RASGEF1A: variants seen among roughly 807,000 people sequenced by gnomAD.
RASGEF1A encodes ras-GEF domain-containing family member 1A.
RASGEF1A carries 18 observed loss-of-function variants against 56.4 expected under a neutral mutation model. That is an observed-to-expected ratio of 0.32 (90% CI 0.22 to 0.47). The LOEUF (loss-of-function observed/expected upper bound fraction) is 0.47. Ranked by LOEUF, RASGEF1A falls within the 20% of genes least tolerant of loss-of-function variation. The pLI is 1.00. For synonymous variants in RASGEF1A, 245 were observed against 242.6 expected (o/e 1.01, Z -0.09); for missense variants, 422 against 627.1 (o/e 0.67, Z 3.49).
At chr10:43,232,113 G>A (rs555081816) in intron 1 of RASGEF1A, among the ~76,000 whole-genome samples, 4 of 152,344 alleles carry the variant, frequency 2.6e-5, no homozygotes, top group Admixed American at 6.5e-5. Context: ...CTGGACTCCC[G>A]CTGATATGAT....
chr10:43,208,995 CCCCA>C (rs1840032248), intron 1 of RASGEF1A: 8 of 985,518 alleles, frequency 8.1e-6, no homozygotes, highest in Non-Finnish European at 8.4e-6. Context: ...TGCCGGCCAC[CCCCA>C]CCCAGCCCTG....
chr10:43,238,218 C>G (rs114080615), intron 1 of RASGEF1A, among the ~76,000 whole-genome samples: 1 of 151,822 alleles, frequency 6.6e-6, no homozygotes, highest in Non-Finnish European at 1.5e-5. Context: ...GGGGAGTTAG[C>G]CGTGGCTAGT....
intron 1 of RASGEF1A, among the ~76,000 whole-genome samples, chr10:43,227,915 G>C (rs1437034309): frequency 1.3e-5 from 2 of 152,118 alleles, no homozygotes; most frequent in African/African-American, 2.4e-5. Flanking sequence ...CCCAGAATCA[G>C]TCCTTCCCTC....
In RASGEF1A at chr10:43,203,336, C is replaced by T. The variant is rs1445247018; in HGVS notation, c.283G>A (p.Val95Met). 9 of 1,577,792 alleles carry T rather than the reference C, an allele frequency of 5.7e-6. No individual in the cohort carries two copies. Among genetic ancestry groups the T allele is most frequent in the South Asian group, 1.2e-5 (1 of 86,510 alleles). The change falls in exon 3 of 13, where the codon GTG becomes ATG. Residue 95 changes from valine (V) to methionine (M), a missense_variant. Physicochemically the swap from Val to Met is conservative, Grantham distance 21. Coordinates refer to ENST00000395810, the MANE Select transcript of RASGEF1A (RefSeq NM_145313.4). Reference sequence around the variant, plus strand: ...GCTTCCAGCTGCTGCTTCTGCTCCACGCAGATCTGCCCCACGCGGGCCAGC... The same window carrying T: ...GCTTCCAGCTGCTGCTTCTGCTCCATGCAGATCTGCCCCACGCGGGCCAGC... ...DLLARVGQIC[V>M]EQKQQLEAGP...
chr10:43,245,740 A>G (rs1468139080), intron 1 of RASGEF1A, among the ~76,000 whole-genome samples: 2 of 152,206 alleles, frequency 1.3e-5, no homozygotes, highest in Non-Finnish European at 1.5e-5. Flanking sequence ...ATGCTCAACA[A>G]ACAAGCAACT....
intron 1 of RASGEF1A, among the ~76,000 whole-genome samples, chr10:43,261,004 G>C (rs908118485): frequency 3.9e-5 from 6 of 152,190 alleles, no homozygotes; most frequent in African/African-American, 1.2e-4. Context: ...AGCCAGCACT[G>C]ACTGCTCAGC....
At chr10:43,238,113 C>T (rs1398394349) in intron 1 of RASGEF1A, among the ~76,000 whole-genome samples, 2 of 150,960 alleles carry the variant, frequency 1.3e-5, no homozygotes, top group African/African-American at 4.9e-5. Flanking sequence ...AGGGGGGGTG[C>T]TGCAGATTGA....
intron 1 of RASGEF1A, chr10:43,208,728 G>A (rs767201530): frequency 9.5e-5 from 94 of 985,446 alleles, no homozygotes; most frequent in Non-Finnish European, 1.1e-4. Context: ...CTGCAGGTCT[G>A]GGGGATGCCC....
chr10:43,246,484 C>A (rs1840568179), intron 1 of RASGEF1A, among the ~76,000 whole-genome samples: 1 of 152,108 alleles, frequency 6.6e-6, no homozygotes, highest in Non-Finnish European at 1.5e-5. Flanking sequence ...AAAAGAAGTA[C>A]AAAGTTGGAG....
In RASGEF1A at chr10:43,197,890, G is replaced by C. The variant is rs1028212770; in HGVS notation, c.1224+114C>G. 471 of 894,210 alleles carry C rather than the reference G, an allele frequency of 5.3e-4. 4 individuals are homozygous for C. The highest frequency in any genetic ancestry group is 1.2e-4 in the Non-Finnish European group (72 of 579,136). 55.4% of individuals were successfully genotyped at this position (894,210 alleles called of 1,614,324 possible). Reference sequence around the variant, plus strand: ...GGCTTTCAGTCTTGAAGGCCCTTGTGAACCTCAGGCAGGGCTCAGGAAACC... The same window carrying C: ...GGCTTTCAGTCTTGAAGGCCCTTGTCAACCTCAGGCAGGGCTCAGGAAACC... On this transcript the variant is annotated intron_variant, in intron 10 of 12. Coordinates refer to ENST00000395810, the MANE Select transcript of RASGEF1A (RefSeq NM_145313.4).
At chr10:43,226,111 C>T (rs938273490) in intron 1 of RASGEF1A, among the ~76,000 whole-genome samples, 17 of 152,182 alleles carry the variant, frequency 1.1e-4, no homozygotes, top group East Asian at 3.9e-4. Flanking sequence ...TGCCAGGGGC[C>T]GCAGGGCCAG....
chr10:43,260,107 T>C (rs1836498790), intron 1 of RASGEF1A, among the ~76,000 whole-genome samples: 1 of 152,116 alleles, frequency 6.6e-6, no homozygotes, highest in Non-Finnish European at 1.5e-5. Flanking sequence ...GCACATTAAG[T>C]CACATGTCAG....
rs375828754 is a variant in RASGEF1A, at chr10:43,196,303, G to A, written c.1422-35C>T. ...GACAGGACAAGCAGTGCTCAGGCCC[G>A]AGCAGGGCGGCTTGGGTCCAAGCCA... On this transcript the variant is annotated intron_variant, in intron 12 of 12. Coordinates refer to ENST00000395810, the MANE Select transcript of RASGEF1A (RefSeq NM_145313.4). The surrounding 1 kb of genome is among the most constrained non-coding windows in gnomAD (Gnocchi z 4.6). 1.9e-4 allele frequency: 305 copies of A among 1,611,684 alleles called. No individual in the cohort carries two copies. Among genetic ancestry groups the A allele is most frequent in the Middle Eastern group, 6.6e-4 (4 of 6,044 alleles).
At chr10:43,261,181 T>C (rs1836521832) in intron 1 of RASGEF1A, among the ~76,000 whole-genome samples, 1 of 152,142 alleles carries the variant, frequency 6.6e-6, no homozygotes, top group Non-Finnish European at 1.5e-5. Context: ...CCCCTGGCCA[T>C]ACTTGCCAGC....
At position 43,201,958 on chromosome 10, in the gene RASGEF1A, G is replaced by C. The variant is rs767716250; in HGVS notation, c.322-13C>G. 4 of 1,598,982 alleles carry C rather than the reference G, an allele frequency of 2.5e-6. No homozygotes were observed. In the South Asian group the frequency reaches 4.5e-5, roughly 18 times the overall value. On this transcript the variant is annotated splice_polypyrimidine_tract_variant and intron_variant, in intron 3 of 12. Coordinates refer to ENST00000395810, the MANE Select transcript of RASGEF1A (RefSeq NM_145313.4). ...ACTTCAGCTTGGCCTGGGGCAGCAG[G>C]GGATACAGAGTAAGGCCCCACAGGG...
intron 1 of RASGEF1A, among the ~76,000 whole-genome samples, chr10:43,242,507 CCTCTCCCTCT>C: frequency 6.6e-6 from 1 of 152,182 alleles, no homozygotes. Context: ...TCTCCCTCTC[CCTCTCCCTCT>C]CTCTCCCTCT....
At chr10:43,229,813 G>C in intron 1 of RASGEF1A, 1 of 1,155,482 alleles carries the variant, frequency 8.7e-7, no homozygotes, top group Non-Finnish European at 1.1e-6. Context: ...GAACCGAGGG[G>C]CTGGGCTGGG....
At chr10:43,212,492 T>C (rs2133195508) in intron 1 of RASGEF1A, among the ~76,000 whole-genome samples, 1 of 152,186 alleles carries the variant, frequency 6.6e-6, no homozygotes, top group African/African-American at 2.4e-5. Flanking sequence ...TGCATCCACA[T>C]GTGGGCCAGG....
intron 6 of RASGEF1A, 133 bp from the exon 7 acceptor site, chr10:43,199,901 T>C (rs1047073780): frequency 1.2e-6 from 1 of 808,960 alleles, no homozygotes; most frequent in African/African-American, 1.7e-5. Context: ...TGCGTGCTCC[T>C]TGCTGCCCAG....
Sources: gnomAD v4.1 joint callset for allele counts (sites outside exome capture counted in the v4.1 genomes callset) on GRCh38, gnomAD v4.1.1 for gene constraint, Gnocchi (gnomAD v3.1) non-coding constraint, MANE v1.5 for transcripts, NCBI Gene and HGNC (gene_info 2026-07-23, HGNC 2026-07-21) for gene names.